EOGT: variants seen among roughly 807,000 people sequenced by gnomAD.
The protein encoded by EOGT is EGF domain specific O-linked N-acetylglucosamine transferase, also known as EGF domain-specific O-linked N-acetylglucosamine transferase.
EOGT carries 55 observed loss-of-function variants against 70.5 expected under a neutral mutation model. The observed-to-expected ratio is 0.78, with a 90% confidence interval of 0.63 to 0.98. The LOEUF (loss-of-function observed/expected upper bound fraction) is 0.98. Among genes scored for constraint, EOGT ranks in the 50% least tolerant of loss-of-function variants. The pLI is 0.00. For synonymous variants in EOGT, 246 were observed against 217.1 expected (o/e 1.13, Z -1.17); for missense variants, 703 against 641.9 (o/e 1.10, Z -1.03).
At position 68,995,117 on chromosome 3, in the gene EOGT, C is replaced by T. The variant is rs555662838; in HGVS notation, c.831+2894G>A. On this transcript the variant is annotated intron_variant, in intron 10 of 17. Transcript: ENST00000383701. ...CTGCAGTCACAGTTACCTCCCTGCT[C>T]TTCCCTGGGCAAACTGCTCATCCAA... Among the ~76,000 whole-genome samples, 14 of 152,336 alleles carry T rather than the reference C, an allele frequency of 9.2e-5. No individual in the cohort carries two copies. In the South Asian group the frequency reaches 1.7e-3, roughly 18 times the overall value.
Position 68,976,977 on chromosome 3 carries a change from T to G in EOGT, c.*641A>C, listed in dbSNP as rs2090488345. ...GAGTTCGAGACCAGCCTGGCCAACA[T>G]GGTGAAACTCCGTCTCTATCAAAAA... On this transcript the variant is annotated 3_prime_UTR_variant, in exon 18 of 18. Coordinates refer to ENST00000383701, the MANE Select transcript of EOGT (RefSeq NM_001278689.2). The G allele has an allele frequency of 6.6e-6, 1 of 152,546 alleles. No homozygotes were observed. Among genetic ancestry groups the G allele is most frequent in the South Asian group, 2.1e-4 (1 of 4,838 alleles). The allele number at this position is 152,546 out of a possible 1,614,324, so 9.4% of individuals were successfully genotyped here. A position where few individuals can be genotyped will look rare whatever the true frequency, so the allele number is the denominator to read the frequency against.
rs546010428 is a variant in EOGT at position 68,975,238 on chromosome 3, T to C, written c.*2380A>G. 141 of 152,692 alleles carry C rather than the reference T, an allele frequency of 9.2e-4. 1 individual carries two copies. The highest frequency in any genetic ancestry group is 3.3e-3 in the African/African-American group (138 of 41,562). The allele number at this position is 152,692 out of a possible 1,614,324, so 9.5% of individuals were successfully genotyped here. On this transcript the variant is annotated 3_prime_UTR_variant, in exon 18 of 18. Coordinates refer to ENST00000383701, the MANE Select transcript of EOGT (RefSeq NM_001278689.2). ...ATGGTTCTGATATTCAAATAAAATA[T>C]AAAATGATTTATTCCAAAGCCATAC...
chr3:68,980,603 G>C (rs1027755442), intron 15 of EOGT, among the ~76,000 whole-genome samples: 3 of 152,202 alleles, frequency 2.0e-5, no homozygotes, highest in African/African-American at 7.2e-5. Context: ...AAATGATCAA[G>C]ATTATTTTGG....
chr3:68,986,543 A>G (rs2118538), intron 14 of EOGT, among the ~76,000 whole-genome samples: 52,768 of 151,918 alleles, frequency 0.35, 9,636 homozygotes, highest in East Asian at 0.51. Flanking sequence ...CTGTTTCTAG[A>G]ATACTGAAAG....
intron 3 of EOGT, 109 bp from the exon 4 acceptor site, chr3:69,009,969 T>C (rs2107406329): frequency 1.3e-6 from 1 of 752,858 alleles, no homozygotes; most frequent in East Asian, 2.7e-5. Context: ...AAGGGCTAAG[T>C]ATAATTACAA....
At position 69,012,187 on chromosome 3, in the gene EOGT, A is replaced by T. The variant is rs569893054; in HGVS notation, c.-70-196T>A. Among the ~76,000 whole-genome samples the T allele has an allele frequency of 6.6e-5, 10 of 152,200 alleles. No individual in the cohort carries two copies. The East Asian group carries it at 1.9e-3, about 29-fold the overall frequency. ...TGCTATACTCGAGTTCACAGGCACC[A>T]CCCCCAACACAGCAACTCGGACCAG... On this transcript the variant is annotated intron_variant, in intron 2 of 17. Coordinates refer to ENST00000383701, the MANE Select transcript of EOGT (RefSeq NM_001278689.2).
In EOGT at chr3:68,989,008, C is replaced by T. The variant is rs1008223582; in HGVS notation, c.841G>A (p.Gly281Arg). 17 of 1,521,428 alleles carry T rather than the reference C, an allele frequency of 1.1e-5. No individual in the cohort carries two copies. Among genetic ancestry groups the T allele is most frequent in the South Asian group, 8.5e-5 (7 of 82,804 alleles). 94.2% of individuals were successfully genotyped at this position (1,521,428 alleles called of 1,614,324 possible). A position where few individuals can be genotyped will look rare whatever the true frequency, so the allele number is the denominator to read the frequency against. Reference protein sequence around the residue: ...YIVMWDTSSYGYGDLFSDTWN... With the variant: ...YIVMWDTSSYRYGDLFSDTWN... ...GTGTCGGAGAATAGGTCACCATATC[C>T]GTAAGAACTCTGAAAGTAGAAACAA... The change falls in exon 11 of 18, where the codon GGA becomes AGA. Residue 281 changes from glycine to arginine, a missense_variant. By Grantham distance (125) the Gly-to-Arg change is moderately radical (BLOSUM62 -2). Coordinates refer to ENST00000383701, the MANE Select transcript of EOGT (RefSeq NM_001278689.2).
At chr3:68,980,485 A>G (rs1163137371) in intron 15 of EOGT, among the ~76,000 whole-genome samples, 1 of 152,220 alleles carries the variant, frequency 6.6e-6, no homozygotes, top group Non-Finnish European at 1.5e-5. Flanking sequence ...TCCCCAAACA[A>G]TTCACTGAGG....
In EOGT at chr3:68,988,303, CT is replaced by C. The variant is rs587776994; in HGVS notation, c.1074del (p.Gly359AspfsTer28). ...HVLHRLNITQEGPKDGKIRVT... is the reference protein window; with the variant it reads ...HVLHRLNITQXGPKDGKIRVT... ...CGCAGTGTATCCATTACCTTAGGTC[CT>C]TCTTGTGTGATGTTTAGTCTGTGTA... is the stretch of plus-strand genomic sequence containing the variant. On this transcript the variant is annotated frameshift_variant, in exon 13 of 18. Transcript: ENST00000383701. LOFTEE classifies it high-confidence loss of function. 6.5e-7 allele frequency: 1 copy of C among 1,535,384 alleles called. No individual in the cohort carries two copies. The highest frequency in any genetic ancestry group is 1.7e-4 in the Middle Eastern group (1 of 5,986).
chr3:69,007,870 G>C (rs777097687), intron 5 of EOGT, 49 bp from the exon 6 acceptor site: 7 of 1,351,152 alleles, frequency 5.2e-6, no homozygotes, highest in Non-Finnish European at 7.2e-6. Context: ...TACTTTTTTG[G>C]ACCTTGAATT....
intron 4 of EOGT, 64 bp downstream of exon 4, chr3:69,009,573 A>T: frequency 7.6e-7 from 1 of 1,315,704 alleles, no homozygotes. Flanking sequence ...GTTATAAAGC[A>T]GAACCTGTAA....
chr3:68,992,950 C>T (rs1274476960), intron 10 of EOGT, among the ~76,000 whole-genome samples: 1 of 152,208 alleles, frequency 6.6e-6, no homozygotes, highest in Non-Finnish European at 1.5e-5. Flanking sequence ...GCTGGAGCGG[C>T]TAGGACACAA....
intron 3 of EOGT, among the ~76,000 whole-genome samples, chr3:69,011,193 C>CTTCTTTTTTTTTT (rs2091565023): frequency 8.8e-6 from 1 of 113,300 alleles, no homozygotes; most frequent in South Asian, 3.0e-4. Context: ...GATCTTTGTT[C>CTTCTTTTTTTTTT]TTTTTTTTTT....
chr3:69,000,350 A>G (rs1043756735), intron 9 of EOGT, among the ~76,000 whole-genome samples: 7 of 152,246 alleles, frequency 4.6e-5, no homozygotes, highest in East Asian at 1.9e-4. Flanking sequence ...ACTTTATTGT[A>G]TAAGTATCTG....
rs57904466 is a variant in EOGT at position 69,011,193 on chromosome 3, C to CTTTTTTTTT, written c.-15+734_-15+742dup. On this transcript the variant is annotated intron_variant, in intron 3 of 17. Coordinates refer to ENST00000383701, the MANE Select transcript of EOGT (RefSeq NM_001278689.2). Reference sequence around the variant, plus strand: ...AGGTCACTTTAGTGGGATCTTTGTTCTTTTTTTTTTTTTAAGTGCTCTTTC... The same window carrying CTTTTTTTTT: ...AGGTCACTTTAGTGGGATCTTTGTTCTTTTTTTTTTTTTTTTTTTTTTAAGTGCTCTTTC... Among the ~76,000 whole-genome samples, 344 of 113,266 alleles carry CTTTTTTTTT rather than the reference C, an allele frequency of 3.0e-3. 28 individuals are homozygous for CTTTTTTTTT. The highest frequency in any genetic ancestry group is 0.017 in the Middle Eastern group (3 of 180). 74.3% of individuals were successfully genotyped at this position (113,266 alleles called of 152,430 possible).
intron 13 of EOGT, chr3:68,987,930 GT>G (rs554540522): frequency 9.1e-6 from 3 of 329,260 alleles, no homozygotes; most frequent in Non-Finnish European, 1.1e-5. Context: ...TTTGGGTTTT[GT>G]TTTGGGGCAG....
Position 69,009,632 on chromosome 3 carries a change from C to T in EOGT, c.210+5G>A, listed in dbSNP as rs56761230. 437,009 of 1,602,552 alleles carry T rather than the reference C, an allele frequency of 0.27. 62,516 individuals are homozygous for T. Among genetic ancestry groups the T allele is most frequent in the East Asian group, 0.52 (23,336 of 44,752 alleles). ...AAAAATAAGGAGAAAAGAAATAATACCTACCTTATATGGACAAAGAGAGTC... is the reference window on the plus strand; with the variant it reads ...AAAAATAAGGAGAAAAGAAATAATATCTACCTTATATGGACAAAGAGAGTC... On this transcript the variant is annotated splice_donor_5th_base_variant and intron_variant, in intron 4 of 17. Coordinates refer to ENST00000383701, the MANE Select transcript of EOGT (RefSeq NM_001278689.2).
intron 8 of EOGT, among the ~76,000 whole-genome samples, chr3:69,003,157 T>C (rs1396283016): frequency 6.6e-6 from 1 of 152,216 alleles, no homozygotes; most frequent in East Asian, 1.9e-4. Context: ...TGATAAAATT[T>C]TAATGAGTAC....
intron 10 of EOGT, among the ~76,000 whole-genome samples, chr3:68,992,703 T>G (rs536640061): frequency 6.6e-6 from 1 of 152,276 alleles, no homozygotes; most frequent in Non-Finnish European, 1.5e-5. Flanking sequence ...ACCCCACATT[T>G]CCCTTCCACA....
Sources: allele counts gnomAD v4.1 joint callset (sites outside exome capture counted in the v4.1 genomes callset), GRCh38; gene constraint gnomAD v4.1.1; transcripts MANE v1.5; gene names NCBI Gene and HGNC (gene_info 2026-07-23, HGNC 2026-07-21).